COA6: variants seen among roughly 807,000 people sequenced by gnomAD.
The protein encoded by COA6 is cytochrome c oxidase assembly factor 6 homolog.
In COA6, 12 loss-of-function variants were observed where a neutral mutation model predicts 17.1. The ratio of observed to expected loss-of-function variants is 0.70; its 90% CI spans 0.45 to 1.14. COA6 has a LOEUF of 1.14. Ranked by LOEUF, COA6 falls within the 50% of genes most tolerant of loss-of-function variation. COA6 has a pLI of 0.00. For missense variants in COA6, 246 were observed against 196.5 expected (o/e 1.25, Z -1.51); for synonymous variants, 90 against 73.4 (o/e 1.23, Z -1.16).
At chr1:234,381,709 T>C (rs1202078770) in intron 2 of COA6, among the ~76,000 whole-genome samples, 1 of 152,100 alleles carries the variant, frequency 6.6e-6, no homozygotes, top group Non-Finnish European at 1.5e-5. Context: ...TGAGAAATGA[T>C]GAGGGTTTGT....
chr1:234,376,305 C>A (rs1381619033), intron 2 of COA6, among the ~76,000 whole-genome samples: 2 of 152,142 alleles, frequency 1.3e-5, no homozygotes, highest in Non-Finnish European at 2.9e-5. Context: ...AGGGTTTTTA[C>A]AACCAGCCAT....
chr1:234,374,101 G>GTTTTGT, intron 1 of COA6, 129 bp from the exon 2 acceptor site: 8 of 1,022,230 alleles, frequency 7.8e-6, no homozygotes, highest in African/African-American at 2.5e-5. Flanking sequence ...GCATGGTTTT[G>GTTTTGT]TTTTGTTTTT....
rs556247575 is a variant in COA6 at position 234,377,582 on chromosome 1, A to G, written c.372+3193A>G. Among the ~76,000 whole-genome samples the G allele has an allele frequency of 6.8e-4, 103 of 152,248 alleles. 1 individual carries two copies. Among genetic ancestry groups the G allele is most frequent in the African/African-American group, 2.1e-3 (88 of 41,546 alleles). On this transcript the variant is annotated intron_variant, in intron 2 of 2. Transcript: ENST00000366615. ...CCTGCGTGTCACCCTCGACTGAATT[A>G]TTGGAGTGTTCTCAGGAGGGAGACT...
intron 2 of COA6, among the ~76,000 whole-genome samples, chr1:234,377,572 C>T (rs76969642): frequency 0.099 from 15,092 of 152,194 alleles, 879 homozygotes; most frequent in African/African-American, 0.14. Context: ...GTGTCACCCT[C>T]GACTGAATTA....
rs771333728 is a variant in COA6, at chr1:234,373,832, A to G, written c.212+154A>G. ...GTGGCCCCCACACACCTGTTTCTAC[A>G]GCGCTTAGGTTCGAACAGTAACCCT... On this transcript the variant is annotated intron_variant, in intron 1 of 2. Transcript: ENST00000366615. 4.2e-5 allele frequency: 68 copies of G among 1,613,414 alleles called. No homozygotes were observed. Among genetic ancestry groups the G allele is most frequent in the Non-Finnish European group, 5.6e-5 (66 of 1,180,022 alleles).
rs555860583 is a variant in COA6 at position 234,384,702 on chromosome 1, C to T, written c.*884C>T. 1.5e-4 allele frequency among the ~76,000 whole-genome samples: 23 copies of T among 152,260 alleles called. No homozygotes were observed. Among genetic ancestry groups the T allele is most frequent in the African/African-American group, 5.1e-4 (21 of 41,554 alleles). On this transcript the variant is annotated 3_prime_UTR_variant, in exon 3 of 3. Coordinates refer to ENST00000366615, the MANE Select transcript of COA6 (RefSeq NM_001206641.3). ...TAAATGGAGAGGTATACAGTTGGCC[C>T]TCTGTGGGTTCTGCATCCATGGATT...
rs60042887 is a variant in COA6 at position 234,383,573 on chromosome 1, G to GACACAC, written c.373-130_373-125dup. 0.056 allele frequency: 26,647 copies of GACACAC among 472,324 alleles called. 2,963 individuals are homozygous for GACACAC. The highest frequency in any genetic ancestry group is 0.36 in the African/African-American group (16,948 of 47,730). 29.3% of individuals were successfully genotyped at this position (472,324 alleles called of 1,614,324 possible). ...AAAAACATCATTCATAGTTACAGCT[G>GACACAC]ACACACACACACACACACACACACA... On this transcript the variant is annotated intron_variant, in intron 2 of 2. Transcript: ENST00000366615.
chr1:234,378,926 G>A (rs10797538), intron 2 of COA6, among the ~76,000 whole-genome samples: 67,825 of 151,084 alleles, frequency 0.45, 16,516 homozygotes, highest in African/African-American at 0.63. Flanking sequence ...AACCTGCACC[G>A]ATGTGTTTAA....
chr1:234,381,308 G>A (rs556471746), intron 2 of COA6, among the ~76,000 whole-genome samples: 38 of 152,278 alleles, frequency 2.5e-4, no homozygotes, highest in African/African-American at 6.5e-4. Context: ...AGAAAGGACC[G>A]TGTGTTGAGG....
intron 2 of COA6, among the ~76,000 whole-genome samples, chr1:234,381,118 T>G (rs1658959287): frequency 6.6e-6 from 1 of 152,226 alleles, no homozygotes; most frequent in South Asian, 2.1e-4. Context: ...CCAAGATCTT[T>G]GATCTTAATA....
chr1:234,380,846 G>A (rs1658952625), intron 2 of COA6, among the ~76,000 whole-genome samples: 5 of 152,184 alleles, frequency 3.3e-5, no homozygotes, highest in African/African-American at 7.2e-5. Flanking sequence ...CTAAAAATAC[G>A]AAAATTAGCC....
At chr1:234,375,948 C>T (rs1002361988) in intron 2 of COA6, among the ~76,000 whole-genome samples, 79 of 152,320 alleles carry the variant, frequency 5.2e-4, no homozygotes, top group African/African-American at 1.9e-3. Context: ...TGAGTCACCA[C>T]GTCTGGCCAG....
At position 234,373,679 on chromosome 1, in the gene COA6, G is replaced by A. The variant is rs1658682436; in HGVS notation, c.212+1G>A. ...AAGCCGGACGTGGGCGGGCAGAGAGGTCGGCTTGCTGATGGGTCCGGGTGG... is the reference window on the plus strand; with the variant it reads ...AAGCCGGACGTGGGCGGGCAGAGAGATCGGCTTGCTGATGGGTCCGGGTGG... On this transcript the variant is annotated splice_donor_variant, in intron 1 of 2. Transcript: ENST00000366615. LOFTEE classifies it high-confidence loss of function. 6.2e-7 allele frequency: 1 copy of A among 1,612,944 alleles called. No individual in the cohort carries two copies. Among genetic ancestry groups the A allele is most frequent in the Non-Finnish European group, 8.5e-7 (1 of 1,179,118 alleles).
intron 2 of COA6, among the ~76,000 whole-genome samples, chr1:234,379,581 G>A (rs969719771): frequency 6.6e-6 from 1 of 152,132 alleles, no homozygotes. Flanking sequence ...AAATGATGGT[G>A]TATTAGTCCG....
Position 234,384,520 on chromosome 1 carries a change from C to T in COA6, c.*702C>T, listed in dbSNP as rs533840687. Among the ~76,000 whole-genome samples the T allele has an allele frequency of 4.6e-5, 7 of 152,150 alleles. No individual in the cohort carries two copies. Among genetic ancestry groups the T allele is most frequent in the African/African-American group, 1.7e-4 (7 of 41,506 alleles). ...CAATATACACAAGGAAAATTATATT[C>T]CTATATATCAGCAATAAACAACTGG... On this transcript the variant is annotated 3_prime_UTR_variant, in exon 3 of 3. Transcript: ENST00000366615.
rs900836166 is a variant in COA6, at chr1:234,384,385, T to C, written c.*567T>C. 6.6e-6 allele frequency among the ~76,000 whole-genome samples: 1 copy of C among 152,132 alleles called. No homozygotes were observed. The highest frequency in any genetic ancestry group is 1.5e-5 in the Non-Finnish European group (1 of 68,010). ...CACACTGGGAAGGAAGAAAGAAAAC[T>C]AGCTCTACTCACATATAATAAATAC... On this transcript the variant is annotated 3_prime_UTR_variant, in exon 3 of 3. Coordinates refer to ENST00000366615, the MANE Select transcript of COA6 (RefSeq NM_001206641.3).
intron 2 of COA6, among the ~76,000 whole-genome samples, chr1:234,380,770 C>T (rs1227438019): frequency 1.3e-5 from 2 of 152,206 alleles, no homozygotes; most frequent in Non-Finnish European, 2.9e-5. Context: ...ACTCCCAAGG[C>T]GGGTGGATCA....
intron 2 of COA6, among the ~76,000 whole-genome samples, chr1:234,375,361 T>G: frequency 6.6e-6 from 1 of 152,206 alleles, no homozygotes; most frequent in East Asian, 1.9e-4. Flanking sequence ...AACTCGCTTG[T>G]TATTACTCAG....
chr1:234,378,278 A>G (rs1466344559), intron 2 of COA6, among the ~76,000 whole-genome samples: 1 of 152,158 alleles, frequency 6.6e-6, no homozygotes, highest in Non-Finnish European at 1.5e-5. Context: ...ACAAATATCT[A>G]TTGAGCACCT....
Sources: gnomAD v4.1 joint callset for allele counts (sites outside exome capture counted in the v4.1 genomes callset) on GRCh38, gnomAD v4.1.1 for gene constraint, MANE v1.5 for transcripts, NCBI Gene and HGNC (gene_info 2026-07-23, HGNC 2026-07-21) for gene names.